APBB2: variants seen among roughly 807,000 people sequenced by gnomAD.
APBB2 encodes the protein Fe65-like 1.
A neutral mutation model predicts 82.5 loss-of-function variants in APBB2; 38 were observed. That is an observed-to-expected ratio of 0.46 (90% confidence interval 0.36 to 0.60). The LOEUF is 0.60. APBB2 is among the 20% of genes least tolerant of loss of function. APBB2 has a pLI of 0.00. For missense variants in APBB2, 772 were observed against 972.3 expected (o/e 0.79, Z 2.74); for synonymous variants, 341 against 368.2 (o/e 0.93, Z 0.85).
chr4:40,899,773 T>C (rs1275865510), intron 10 of APBB2, among the ~76,000 whole-genome samples: 2 of 152,236 alleles, frequency 1.3e-5, no homozygotes, highest in Non-Finnish European at 2.9e-5. Flanking sequence ...TGGGCTTTAA[T>C]GCAAGCAGCA....
At chr4:40,904,375 A>G (rs952461046) in intron 10 of APBB2, among the ~76,000 whole-genome samples, 3 of 151,930 alleles carry the variant, frequency 2.0e-5, no homozygotes, top group Non-Finnish European at 2.9e-5. Flanking sequence ...AGGTTGCAGT[A>G]AGCCGAGATG....
At chr4:40,953,513 G>A (rs112255234) in intron 6 of APBB2, among the ~76,000 whole-genome samples, 10 of 151,488 alleles carry the variant, frequency 6.6e-5, no homozygotes, top group East Asian at 1.9e-4. Context: ...AATCCACCCC[G>A]ACATTCTGGG....
At chr4:41,213,493 A>G (rs992533387) in intron 1 of APBB2, among the ~76,000 whole-genome samples, 1 of 152,180 alleles carries the variant, frequency 6.6e-6, no homozygotes, top group Non-Finnish European at 1.5e-5. Flanking sequence ...ACAACTCCAC[A>G]TATGATTTAT....
intron 10 of APBB2, among the ~76,000 whole-genome samples, chr4:40,928,428 A>AC (rs201061451): frequency 0.19 from 10,039 of 54,038 alleles, 530 homozygotes; most frequent in East Asian, 0.35. Flanking sequence ...ACACACACAC[A>AC]ATCAGCCAGG....
chr4:41,098,795 C>T (rs1454307652), intron 3 of APBB2, among the ~76,000 whole-genome samples: 1 of 152,166 alleles, frequency 6.6e-6, no homozygotes, highest in East Asian at 1.9e-4. Context: ...GTTACATTTG[C>T]AATCTAAACA....
At chr4:40,884,146 A>G (rs1769525434) in intron 12 of APBB2, among the ~76,000 whole-genome samples, 1 of 152,202 alleles carries the variant, frequency 6.6e-6, no homozygotes. Flanking sequence ...AGATGAACAG[A>G]GTAGCTTCCC....
intron 12 of APBB2, among the ~76,000 whole-genome samples, chr4:40,861,379 T>C (rs1212558870): frequency 2.0e-5 from 3 of 151,386 alleles, no homozygotes; most frequent in Non-Finnish European, 4.4e-5. Flanking sequence ...TTTTAAACAT[T>C]AGCCAGGTGT....
chr4:41,205,195 C>G (rs1436527924), intron 1 of APBB2, among the ~76,000 whole-genome samples: 1 of 152,142 alleles, frequency 6.6e-6, no homozygotes, highest in Non-Finnish European at 1.5e-5. Flanking sequence ...TCCAAGCAGG[C>G]AGATAATGTT....
intron 3 of APBB2, among the ~76,000 whole-genome samples, chr4:41,078,494 T>A (rs963480099): frequency 2.6e-5 from 4 of 152,200 alleles, no homozygotes; most frequent in Non-Finnish European, 5.9e-5. Flanking sequence ...AGGAAACAGA[T>A]AAGTCTTAAT....
At position 40,832,013 on chromosome 4, in the gene APBB2, T is replaced by TATACACAC. The variant is rs777910826; in HGVS notation, c.1530-1437_1530-1436insGTGTGTAT. Among the ~76,000 whole-genome samples, 7,709 of 138,920 alleles carry TATACACAC rather than the reference T, an allele frequency of 0.055. 265 individuals carry two copies. The highest frequency in any genetic ancestry group is 0.07 in the East Asian group (340 of 4,878). 91.1% of individuals were successfully genotyped at this position (138,920 alleles called of 152,430 possible). Reference sequence around the variant, plus strand: ...ACACATATTTATATATTTATTTATATACACACACACACACACACACACACA... The same window carrying TATACACAC: ...ACACATATTTATATATTTATTTATATATACACACACACACACACACACACACACACACA... On this transcript the variant is annotated intron_variant, in intron 12 of 17. Transcript: ENST00000508593. This position sits in a 1 kb window ranked among gnomAD's most constrained non-coding sequence, Gnocchi z 4.8.
intron 10 of APBB2, among the ~76,000 whole-genome samples, chr4:40,897,927 T>TA (rs916452420): frequency 2.4e-4 from 36 of 149,072 alleles, no homozygotes; most frequent in African/African-American, 6.6e-4. Context: ...ATCTGCCACT[T>TA]AAAAAAAAAA....
intron 6 of APBB2, among the ~76,000 whole-genome samples, chr4:40,986,291 T>G (rs1800411825): frequency 1.3e-5 from 2 of 152,352 alleles, no homozygotes; most frequent in South Asian, 4.1e-4. Flanking sequence ...GTTGTCACCA[T>G]GCAATCCACT....
At chr4:41,076,544 G>A (rs935294382) in intron 3 of APBB2, among the ~76,000 whole-genome samples, 3 of 152,112 alleles carry the variant, frequency 2.0e-5, no homozygotes, top group Non-Finnish European at 4.4e-5. Context: ...GATTGGTACT[G>A]GAGACTTTTC....
chr4:41,109,386 G>A (rs1394841669), intron 2 of APBB2, among the ~76,000 whole-genome samples: 1 of 152,038 alleles, frequency 6.6e-6, no homozygotes, highest in Non-Finnish European at 1.5e-5. Context: ...CACCTCCCGG[G>A]TTCAAGCAAT....
intron 12 of APBB2, among the ~76,000 whole-genome samples, chr4:40,840,409 G>A (rs1755414942): frequency 6.6e-6 from 1 of 152,162 alleles, no homozygotes; most frequent in South Asian, 2.1e-4. Flanking sequence ...GAGGAATCAG[G>A]AAGCGAAAGT....
At chr4:40,864,291 A>AAAACAAAACAAAAC (rs1368211361) in intron 12 of APBB2, among the ~76,000 whole-genome samples, 4 of 108,930 alleles carry the variant, frequency 3.7e-5, no homozygotes, top group Admixed American at 8.8e-5. Flanking sequence ...CAAAACAAAA[A>AAAACAAAACAAAAC]AACCACTGTG....
intron 7 of APBB2, among the ~76,000 whole-genome samples, chr4:40,941,990 T>C (rs986628185): frequency 1.4e-4 from 22 of 152,146 alleles, no homozygotes; most frequent in Admixed American, 1.4e-3. Context: ...GGACTGTAAA[T>C]ATTTGATTTC....
chr4:40,894,989 T>C (rs1002512016), intron 10 of APBB2, among the ~76,000 whole-genome samples: 1 of 152,158 alleles, frequency 6.6e-6, no homozygotes, highest in Non-Finnish European at 1.5e-5. Context: ...CATCCTTCCT[T>C]GGGAGCCAAC....
intron 16 of APBB2, 170 bp from the exon 17 acceptor site, chr4:40,822,220 G>C: frequency 4.4e-6 from 3 of 679,678 alleles, no homozygotes; most frequent in South Asian, 3.8e-5. Context: ...GGCCATCACT[G>C]CATGGCTACC....
Sources: gnomAD v4.1 joint callset for allele counts (sites outside exome capture counted in the v4.1 genomes callset) on GRCh38, gnomAD v4.1.1 for gene constraint, Gnocchi (gnomAD v3.1) non-coding constraint, MANE v1.5 for transcripts, NCBI Gene and HGNC (gene_info 2026-07-23, HGNC 2026-07-21) for gene names.